DNAH11: variants seen among roughly 807,000 people sequenced by gnomAD.
DNAH11 encodes dynein axonemal heavy chain 11.
In DNAH11, 442 loss-of-function variants were observed where a neutral mutation model predicts 526.0. The ratio of observed to expected loss-of-function variants is 0.84; its 90% confidence interval spans 0.78 to 0.91. DNAH11 has a LOEUF of 0.91. Among genes scored for constraint, DNAH11 ranks in the 40% least tolerant of loss-of-function variants. The probability of loss-of-function intolerance (pLI) is 0.00; values close to 1 mark genes in which losing one functional copy is unlikely to be tolerated. For synonymous variants in DNAH11, 2,461 were observed against 1,935.9 expected (o/e 1.27, Z -7.12); for missense variants, 6,989 against 5,448.7 (o/e 1.28, Z -8.90).
At chr7:21,753,311 C>T (rs982252256) in intron 54 of DNAH11, among the ~76,000 whole-genome samples, 4 of 152,104 alleles carry the variant, frequency 2.6e-5, no homozygotes, top group African/African-American at 4.8e-5. Context: ...TCTTACTGGC[C>T]GCAAATGCTT....
intron 76 of DNAH11, among the ~76,000 whole-genome samples, chr7:21,886,368 C>A (rs11763665): frequency 0.31 from 47,316 of 151,748 alleles, 8,207 homozygotes; most frequent in Non-Finnish European, 0.39. Flanking sequence ...TGGGGACATT[C>A]TTTTGTTACT....
intron 56 of DNAH11, among the ~76,000 whole-genome samples, chr7:21,776,022 C>T (rs17145370): frequency 0.017 from 2,640 of 152,266 alleles, 68 homozygotes; most frequent in African/African-American, 0.057. Flanking sequence ...CCAGTGGTGG[C>T]AGCATCTCAG....
chr7:21,802,617 T>A (rs79001444), intron 62 of DNAH11, among the ~76,000 whole-genome samples: 7 of 152,158 alleles, frequency 4.6e-5, no homozygotes, highest in Non-Finnish European at 8.8e-5. Context: ...CCATATAATG[T>A]TAATAGCATT....
chr7:21,613,934 A>ATTT (rs575437991), intron 20 of DNAH11, among the ~76,000 whole-genome samples: 2,342 of 142,806 alleles, frequency 0.016, 55 homozygotes, highest in African/African-American at 0.057. Flanking sequence ...TGCCCAGCTA[A>ATTT]TTTTTTTTTT....
rs575275013 is a variant in DNAH11 at position 21,787,636 on chromosome 7, C to A, written c.9924+53C>A. 6.6e-5 allele frequency: 96 copies of A among 1,455,236 alleles called. 1 individual carries two copies. The African/African-American group carries it at 1.3e-3, about 20-fold the overall frequency. The allele number at this position is 1,455,236 out of a possible 1,614,324, so 90.1% of individuals were successfully genotyped here. ...GATGTTCTCCACAAAGGGCTGCAAA[C>A]ACATCAATTTCTAGGTCAGCGAGAA... On this transcript the variant is annotated intron_variant, in intron 60 of 81. Coordinates refer to ENST00000409508, the MANE Select transcript of DNAH11 (RefSeq NM_001277115.2).
intron 68 of DNAH11, among the ~76,000 whole-genome samples, chr7:21,856,704 A>C (rs1782863604): frequency 6.6e-6 from 1 of 152,184 alleles, no homozygotes; most frequent in South Asian, 2.1e-4. Context: ...GTAATTAATC[A>C]GTTAACAGAA....
intron 28 of DNAH11, among the ~76,000 whole-genome samples, chr7:21,651,420 T>A (rs929326226): frequency 6.6e-6 from 1 of 152,096 alleles, no homozygotes; most frequent in Non-Finnish European, 1.5e-5. Flanking sequence ...TGGAGTGCAG[T>A]GGCGCGATCT....
intron 2 of DNAH11, among the ~76,000 whole-genome samples, chr7:21,555,877 C>T (rs558126738): frequency 9.2e-5 from 14 of 152,248 alleles, no homozygotes; most frequent in South Asian, 2.1e-4. Flanking sequence ...AGATCCCAGA[C>T]GGGCCCCCAA....
At chr7:21,830,717 T>A (rs1253466412) in intron 65 of DNAH11, among the ~76,000 whole-genome samples, 2 of 152,180 alleles carry the variant, frequency 1.3e-5, no homozygotes, top group African/African-American at 4.8e-5. Flanking sequence ...CTAGTGGCTC[T>A]TCTTGATCTA....
chr7:21,871,984 C>T (rs1280988200), intron 73 of DNAH11, among the ~76,000 whole-genome samples: 3 of 151,412 alleles, frequency 2.0e-5, no homozygotes, highest in South Asian at 4.2e-4. Flanking sequence ...ATTAGCTGGG[C>T]GTGGTGGTGG....
At chr7:21,675,712 A>G (rs768968716) in intron 30 of DNAH11, among the ~76,000 whole-genome samples, 3 of 152,202 alleles carry the variant, frequency 2.0e-5, no homozygotes, top group South Asian at 4.1e-4. Context: ...ATTTGGACAC[A>G]TGCTTTATGC....
At chr7:21,778,849 G>A (rs1787800693) in intron 56 of DNAH11, 109 bp from the exon 57 acceptor site, 3 of 1,345,674 alleles carry the variant, frequency 2.2e-6, no homozygotes, top group Admixed American at 2.4e-5. Flanking sequence ...AGAGACAGAT[G>A]CAAGATACAA....
chr7:21,704,365 A>G (rs1463824892), intron 37 of DNAH11, 69 bp from the exon 38 acceptor site: 3 of 1,454,500 alleles, frequency 2.1e-6, no homozygotes, highest in Non-Finnish European at 2.8e-6. Flanking sequence ...AAAATAACAA[A>G]CATCTTTAGT....
intron 66 of DNAH11, among the ~76,000 whole-genome samples, chr7:21,843,549 C>T (rs796224085): frequency 3.4e-5 from 5 of 148,794 alleles, no homozygotes; most frequent in Admixed American, 6.7e-5. Flanking sequence ...GGCATGGTCT[C>T]GGCTCACTGC....
chr7:21,828,760 G>GTTT (rs370526200), intron 65 of DNAH11, among the ~76,000 whole-genome samples: 11 of 131,778 alleles, frequency 8.3e-5, no homozygotes, highest in South Asian at 2.4e-4. Context: ...ATTTTTCTGG[G>GTTT]TTTTTTTTTT....
intron 1 of DNAH11, 130 bp downstream of exon 1, chr7:21,543,726 C>A: frequency 2.1e-6 from 2 of 952,498 alleles, no homozygotes; most frequent in Non-Finnish European, 3.1e-6. Flanking sequence ...TTGAAGTCCC[C>A]ATCCTGAGGC....
chr7:21,711,932 C>G (rs1784479522), intron 42 of DNAH11, 72 bp downstream of exon 42: 9 of 1,526,952 alleles, frequency 5.9e-6, no homozygotes, highest in Non-Finnish European at 8.0e-6. Context: ...ATAATTTTTG[C>G]TTAAGCACAT....
Position 21,591,203 on chromosome 7 carries a change from C to G in DNAH11, c.2293C>G (p.Leu765Val). The G allele has an allele frequency of 6.5e-7, 1 of 1,545,102 alleles. No homozygotes were observed. The highest frequency in any genetic ancestry group is 1.3e-5 in the South Asian group (1 of 77,202). The part of the protein sequence containing the change: ...TILKYIGNLD[L>V]LVQGYNKLKQ... ...TGCTCAGTACATTGGAAATCTTGAC[C>G]TTCTTGTGCAAGGGTATAATAAACT... Residue 765 changes from leucine (L) to valine (V), a missense_variant, in exon 14 of 82, where the codon CTT becomes GTT. By Grantham distance (32) the Leu-to-Val change is conservative. Transcript: ENST00000409508.
chr7:21,750,111 T>C lies in DNAH11; in HGVS notation c.8798-111T>C. On this transcript the variant is annotated intron_variant, in intron 53 of 81. Transcript: ENST00000409508. The stretch of plus-strand genomic sequence containing the variant: ...ACATGACGTTTCTGATTTTAAACTC[T>C]TACCATTTATGCTGAACTTTGTCTT... 5 of 1,350,532 alleles carry C rather than the reference T, an allele frequency of 3.7e-6. No individual in the cohort carries two copies. The South Asian group carries it at 6.3e-5, about 17-fold the overall frequency. 83.7% of individuals were successfully genotyped at this position (1,350,532 alleles called of 1,614,324 possible).
Sources: allele counts gnomAD v4.1 joint callset (sites outside exome capture counted in the v4.1 genomes callset), GRCh38; gene constraint gnomAD v4.1.1; transcripts MANE v1.5; gene names NCBI Gene and HGNC (gene_info 2026-07-23, HGNC 2026-07-21).